Variants in RADX observed in about 807,000 individuals in gnomAD.
RADX encodes the protein RPA-related protein RADX.
RADX carries 36 observed loss-of-function variants against 61.6 expected under a neutral mutation model. The ratio of observed to expected loss-of-function variants is 0.58; its 90% CI spans 0.45 to 0.77. The LOEUF is 0.77. Ranked by LOEUF, RADX falls within the 30% of genes least tolerant of loss-of-function variation. RADX has a pLI of 0.00. For synonymous variants in RADX, 272 were observed against 237.9 expected (o/e 1.14, Z -1.32); for missense variants, 497 against 651.1 (o/e 0.76, Z 2.58).
intron 11 of RADX, among the ~76,000 whole-genome samples, chrX:106,661,389 T>TTTTTG (rs1928091618): frequency 9.3e-6 from 1 of 108,036 alleles, no homozygotes; most frequent in Non-Finnish European, 1.9e-5. Context: ...TTTTTTGGTT[T>TTTTTG]TTTTGTTTTG....
intron 3 of RADX, among the ~76,000 whole-genome samples, chrX:106,631,753 G>A (rs1387082815): frequency 2.0e-5 from 2 of 98,898 alleles, no homozygotes; most frequent in East Asian, 6.2e-4. Flanking sequence ...AGGAAGGAAG[G>A]GAGGGAGGGA....
intron 11 of RADX, among the ~76,000 whole-genome samples, chrX:106,650,531 A>T (rs185067326): frequency 9.0e-6 from 1 of 110,604 alleles, no homozygotes. Flanking sequence ...TACCCCAGGA[A>T]CTAGAAATAC....
chrX:106,661,258 T>C (rs1928083451), intron 11 of RADX, among the ~76,000 whole-genome samples: 1 of 111,453 alleles, frequency 9.0e-6, no homozygotes, highest in South Asian at 3.8e-4. Context: ...ACAACAAAAA[T>C]TGAGGGGGTC....
At chrX:106,617,714 C>G (rs751808456) in intron 1 of RADX, among the ~76,000 whole-genome samples, 1 of 111,630 alleles carries the variant, frequency 9.0e-6, no homozygotes, top group Non-Finnish European at 1.9e-5. Flanking sequence ...GACAATGATA[C>G]TCAAATGTGA....
At chrX:106,656,453 AT>A (rs753425271) in intron 11 of RADX, among the ~76,000 whole-genome samples, 5 of 112,301 alleles carry the variant, frequency 4.5e-5, no homozygotes, top group African/African-American at 1.6e-4. Flanking sequence ...AGAATGGTGA[AT>A]CCTTTCCAGA....
chrX:106,675,022 CAA>C (rs10715478), intron 13 of RADX, among the ~76,000 whole-genome samples: 14 of 80,028 alleles, frequency 1.7e-4, no homozygotes, highest in African/African-American at 1.7e-4. Flanking sequence ...GACTCCATCT[CAA>C]AAAAAAAAAA....
intron 8 of RADX, chrX:106,638,462 C>T (rs1166869380): frequency 9.1e-6 from 1 of 110,425 alleles, no homozygotes; most frequent in Non-Finnish European, 1.9e-5. Context: ...CGGGGTTTCA[C>T]CGTTTTAGCC....
chrX:106,635,153 A>G (rs1214495912), intron 6 of RADX, among the ~76,000 whole-genome samples: 1 of 111,427 alleles, frequency 9.0e-6, no homozygotes, highest in Non-Finnish European at 1.9e-5. Context: ...TTTTTTTCAT[A>G]AGAAAAGTGA....
chrX:106,639,455 A>T (rs2050734758), intron 8 of RADX, 72 bp from the exon 9 acceptor site: 9 of 874,300 alleles, frequency 1.0e-5, no homozygotes, highest in Non-Finnish European at 1.4e-5. Flanking sequence ...GTGAAATTAC[A>T]TTGCAAATCT....
At chrX:106,649,457 C>T (rs188454896) in intron 11 of RADX, among the ~76,000 whole-genome samples, 282 of 111,532 alleles carry the variant, frequency 2.5e-3, no homozygotes, top group African/African-American at 8.6e-3. Flanking sequence ...GATTAAACTT[C>T]ATACAGATTT....
At chrX:106,634,117 A>G (rs1034056116) in intron 6 of RADX, among the ~76,000 whole-genome samples, 1 of 111,226 alleles carries the variant, frequency 9.0e-6, no homozygotes, top group East Asian at 2.8e-4. Context: ...GTGTTTGTAT[A>G]TATCTATCTA....
At position 106,662,201 on chromosome X, in the gene RADX, A is replaced by G. The variant is rs766364629; in HGVS notation, c.2165A>G (p.Tyr722Cys). Residue 722 changes from tyrosine to cysteine, a missense_variant, in exon 12 of 14, where the codon TAT (tyrosine) becomes TGT (cysteine). Tyr to Cys is a radical substitution (Grantham distance 194, BLOSUM62 -2). This residue lies in a region of RADX where 267 missense variants were observed against 306.9 expected (regional missense o/e 0.87). Transcript: ENST00000372548. ...FEHRKFLSDQ[Y>C]NSQPAKYVPP... ...CACAGAAAGTTTCTTAGTGACCAGT[A>G]TAATTCTCAGCCTGCGAAATATGTA... is the stretch of plus-strand genomic sequence containing the variant. 6 of 1,208,676 alleles carry G rather than the reference A, an allele frequency of 5.0e-6. No individual in the cohort carries two copies. Among genetic ancestry groups the G allele is most frequent in the African/African-American group, 1.8e-5 (1 of 56,984 alleles).
At chrX:106,621,134 T>G (rs768012287) in intron 1 of RADX, among the ~76,000 whole-genome samples, 252 of 112,133 alleles carry the variant, frequency 2.2e-3, no homozygotes, top group African/African-American at 8.0e-3. Context: ...AACTCAAAGC[T>G]GATCTGAGAT....
chrX:106,662,785 G>T lies in RADX; in HGVS notation c.2269+480G>T, dbSNP rs757401181. Among the ~76,000 whole-genome samples, 5 of 110,161 alleles carry T rather than the reference G, an allele frequency of 4.5e-5. No homozygotes were observed. In the South Asian group the frequency reaches 1.5e-3, roughly 34 times the overall value. On this transcript the variant is annotated intron_variant, in intron 12 of 13. Coordinates refer to ENST00000372548, the MANE Select transcript of RADX (RefSeq NM_018015.6). Reference sequence around the variant, plus strand: ...ATAATAAAATAATCAAGTAACTGAGGTTGACTAGAAATAAGTTATTGAAAA... The same window carrying T: ...ATAATAAAATAATCAAGTAACTGAGTTTGACTAGAAATAAGTTATTGAAAA...
At position 106,677,329 on chromosome X, in the gene RADX, C is replaced by T. The variant is rs1009911419; in HGVS notation, c.2438-799C>T. 4.5e-5 allele frequency among the ~76,000 whole-genome samples: 5 copies of T among 111,643 alleles called. No individual in the cohort carries two copies. The East Asian group carries it at 1.1e-3, about 25-fold the overall frequency. ...AAATACCACAGCACACTCTACCCAC[C>T]GTGTAGCAGTTTATTTCTTTATTAA... On this transcript the variant is annotated intron_variant, in intron 13 of 13. Transcript: ENST00000372548.
chrX:106,649,249 G>A (rs1010725452), intron 11 of RADX, among the ~76,000 whole-genome samples: 2 of 110,233 alleles, frequency 1.8e-5, no homozygotes, highest in Non-Finnish European at 3.8e-5. Flanking sequence ...TATAATTTGC[G>A]GACTTATGGA....
intron 12 of RADX, among the ~76,000 whole-genome samples, chrX:106,662,823 C>T (rs1386376084): frequency 2.7e-5 from 3 of 110,011 alleles, no homozygotes; most frequent in Non-Finnish European, 3.8e-5. Context: ...CTGCCCTTGT[C>T]TGATAAGAGA....
At chrX:106,616,104 GA>G (rs953962419) in intron 1 of RADX, among the ~76,000 whole-genome samples, 1 of 111,102 alleles carries the variant, frequency 9.0e-6, no homozygotes, top group Non-Finnish European at 1.9e-5. Context: ...GTTGTGGGGG[GA>G]TGCCTCTTTT....
At chrX:106,626,873 T>C (rs1927087034) in intron 3 of RADX, among the ~76,000 whole-genome samples, 1 of 111,695 alleles carries the variant, frequency 9.0e-6, no homozygotes, top group African/African-American at 3.3e-5. Flanking sequence ...ACTTTTGCCC[T>C]CTTTTTTTAG....
Sources: allele counts gnomAD v4.1 joint callset (sites outside exome capture counted in the v4.1 genomes callset), GRCh38; gene constraint gnomAD v4.1.1; regional missense constraint gnomAD v4.1.1; transcripts MANE v1.5; gene names NCBI Gene and HGNC (gene_info 2026-07-23, HGNC 2026-07-21).